Variants in ZBED6 observed in about 807,000 individuals in gnomAD.
ZBED6 encodes zinc finger BED-type containing 6.
In ZBED6, 40 loss-of-function variants were observed where a neutral mutation model predicts 58.4. The observed-to-expected ratio is 0.68, with a 90% CI of 0.53 to 0.89. The LOEUF (loss-of-function observed/expected upper bound fraction) is 0.89, where lower values mean the gene tolerates loss of function less well. Among genes scored for constraint, ZBED6 ranks in the 40% least tolerant of loss-of-function variants. The pLI is 0.00. For synonymous variants in ZBED6, 439 were observed against 350.6 expected (o/e 1.25, Z -2.82); for missense variants, 1,057 against 1,003.9 (o/e 1.05, Z -0.71).
intron 1 of ZBED6, among the ~76,000 whole-genome samples, chr1:203,808,011 G>A (rs998537442): frequency 5.9e-5 from 9 of 152,042 alleles, no homozygotes; most frequent in African/African-American, 2.2e-4. Flanking sequence ...CAAAGTGCTG[G>A]CATTACGGAT....
chr1:203,847,291 G>C (rs771938050), exon 12 of ZBED6: 1 of 1,613,828 alleles, frequency 6.2e-7, no homozygotes, highest in Non-Finnish European at 8.5e-7. Context: ...CAAGACAGAA[G>C]GACCTTCAAA....
Position 203,818,846 on chromosome 1 carries a change from G to T in ZBED6, c.*2873+157G>T, listed in dbSNP as rs182114884. On this transcript the variant is annotated intron_variant, in intron 3 of 16. Transcript: ENST00000550078. ...GCACTTTGGGAGGCTGAGGCGGGTA[G>T]ATCATGAGGTCAGGAGATTGAGACC... is the stretch of plus-strand genomic sequence containing the variant. Among the ~76,000 whole-genome samples, 587 of 151,926 alleles carry T rather than the reference G, an allele frequency of 3.9e-3. 2 individuals are homozygous for T. The highest frequency in any genetic ancestry group is 0.031 in the Middle Eastern group (9 of 294).
chr1:203,808,255 A>G (rs2102573978), intron 1 of ZBED6, among the ~76,000 whole-genome samples: 1 of 152,296 alleles, frequency 6.6e-6, no homozygotes, highest in Non-Finnish European at 1.5e-5. Flanking sequence ...TACATTCTGG[A>G]TGAATAGCAT....
intron 1 of ZBED6, chr1:203,805,549 G>A (rs559861662): frequency 1.4e-5 from 8 of 574,584 alleles, no homozygotes; most frequent in South Asian, 5.6e-5. Flanking sequence ...TATCTGTTAC[G>A]GTAAATTTGG....
At chr1:203,819,077 AATAT>A (rs1197195368) in intron 3 of ZBED6, among the ~76,000 whole-genome samples, 2 of 132,558 alleles carry the variant, frequency 1.5e-5, no homozygotes, top group African/African-American at 5.9e-5. Flanking sequence ...CAAAAAAAAA[AATAT>A]ATATATATAC....
chr1:203,853,863 T>G (rs1004517739), exon 17 of ZBED6: 1 of 152,672 alleles, frequency 6.5e-6, no homozygotes, highest in African/African-American at 2.4e-5. Context: ...TGTTGTATGA[T>G]AGCCCTTCTC....
At chr1:203,850,481 T>G in intron 14 of ZBED6, 34 bp from the exon 15 acceptor site, 1 of 1,613,116 alleles carries the variant, frequency 6.2e-7, no homozygotes. Flanking sequence ...GAGTCTATTC[T>G]CACTGCTTAT....
At chr1:203,799,093 T>A in exon 1 of ZBED6, 1 of 1,536,042 alleles carries the variant, frequency 6.5e-7, no homozygotes, top group Non-Finnish European at 8.7e-7. Context: ...AAGTGGGCAG[T>A]GCTTTGTGTT....
chr1:203,848,427 A>G lies in ZBED6; in HGVS notation c.*4322+20A>G, dbSNP rs920166536. On this transcript the variant is annotated intron_variant, in intron 13 of 16. Transcript: ENST00000550078. ...AAAGAGGTAAATTTAAGATTATTGT[A>G]TGGTTTTGTTCATGGCAAACAAAGG... The G allele has an allele frequency of 6.3e-7, 1 of 1,590,284 alleles. No homozygotes were observed. The highest frequency in any genetic ancestry group is 8.6e-7 in the Non-Finnish European group (1 of 1,165,350).
intron 1 of ZBED6, among the ~76,000 whole-genome samples, chr1:203,811,145 A>C (rs973216772): frequency 7.6e-4 from 76 of 99,832 alleles, no homozygotes; most frequent in East Asian, 2.0e-3. Context: ...CTCTGTCACA[A>C]AAAAAAAAAA....
At chr1:203,850,877 T>C (rs1432316053) in intron 15 of ZBED6, among the ~76,000 whole-genome samples, 180 bp from the exon 16 acceptor site, 1 of 152,250 alleles carries the variant, frequency 6.6e-6, no homozygotes, top group Non-Finnish European at 1.5e-5. Flanking sequence ...TTTTAAAAGC[T>C]AATTTTTAGG....
chr1:203,815,477 C>T (rs916981092), intron 1 of ZBED6, among the ~76,000 whole-genome samples: 18 of 151,534 alleles, frequency 1.2e-4, no homozygotes, highest in Non-Finnish European at 4.4e-5. Flanking sequence ...CCTTGGCCTC[C>T]CAGAGTGCTG....
chr1:203,845,736 G>T (rs1313581448), intron 11 of ZBED6, among the ~76,000 whole-genome samples: 3 of 152,024 alleles, frequency 2.0e-5, no homozygotes, highest in African/African-American at 7.3e-5. Flanking sequence ...GTGGTCGTGG[G>T]CACCTGTAGG....
chr1:203,828,227 A>G lies in ZBED6; in HGVS notation c.*2874-72A>G. 3.8e-6 allele frequency: 6 copies of G among 1,582,814 alleles called. No homozygotes were observed. The East Asian group carries it at 6.8e-5, about 18-fold the overall frequency. ...TTTGAACCCTGTATGAACTTTGTCT[A>G]GAAAACAAACTGCCACATGAATATA... is the stretch of plus-strand genomic sequence containing the variant. On this transcript the variant is annotated intron_variant, in intron 3 of 16. Transcript: ENST00000550078.
intron 1 of ZBED6, among the ~76,000 whole-genome samples, chr1:203,814,588 A>C (rs932882789): frequency 2.6e-5 from 4 of 152,136 alleles, no homozygotes; most frequent in Non-Finnish European, 5.9e-5. Context: ...TTCTGACTGA[A>C]ACCTCACCAT....
intron 3 of ZBED6, among the ~76,000 whole-genome samples, chr1:203,827,771 TG>T (rs1681052584): frequency 6.6e-6 from 1 of 152,104 alleles, no homozygotes. Flanking sequence ...AATTCATGAA[TG>T]GGAAGAATTT....
intron 3 of ZBED6, among the ~76,000 whole-genome samples, chr1:203,823,043 G>T (rs527682001): frequency 2.6e-5 from 4 of 151,564 alleles, no homozygotes; most frequent in Admixed American, 2.0e-4. Flanking sequence ...ATTGATAAAG[G>T]AGTACTCTGC....
intron 8 of ZBED6, 84 bp downstream of exon 8, chr1:203,831,855 TTGA>T: frequency 8.8e-7 from 1 of 1,136,618 alleles, no homozygotes; most frequent in Non-Finnish European, 1.3e-6. Context: ...TCTTTTACCT[TTGA>T]TGAATTTTCA....
chr1:203,821,053 C>CT (rs2102865681), intron 3 of ZBED6, among the ~76,000 whole-genome samples: 1 of 152,300 alleles, frequency 6.6e-6, no homozygotes, highest in African/African-American at 2.4e-5. Context: ...AATCTCACCT[C>CT]TATCGTAATC....
Sources: gnomAD v4.1 joint callset for allele counts (sites outside exome capture counted in the v4.1 genomes callset) on GRCh38, gnomAD v4.1.1 for gene constraint, MANE v1.5 for transcripts, NCBI Gene and HGNC (gene_info 2026-07-23, HGNC 2026-07-21) for gene names.